Variants in RALY observed in about 807,000 individuals in gnomAD.
The protein encoded by RALY is RALY heterogeneous nuclear ribonucleoprotein.
RALY carries 15 observed loss-of-function variants against 30.7 expected under a neutral mutation model. That is an observed-to-expected ratio of 0.49 (90% CI 0.33 to 0.75). RALY has a LOEUF of 0.75. Among genes scored for constraint, RALY ranks in the 30% least tolerant of loss-of-function variants. The probability of loss-of-function intolerance (pLI) is 0.02; values close to 1 mark genes in which losing one functional copy is unlikely to be tolerated. For missense variants in RALY, 339 were observed against 414.3 expected, an observed-to-expected ratio of 0.82 and a Z score of 1.58; for synonymous variants, 177 against 170.8, an observed-to-expected ratio of 1.04 and a Z score of -0.28.
rs1242524675 is a variant in RALY at position 34,021,008 on chromosome 20, C to T, written c.-92-10514C>T. Among the ~76,000 whole-genome samples the T allele has an allele frequency of 5.9e-5, 9 of 152,068 alleles. No homozygotes were observed. In the South Asian group the frequency reaches 1.0e-3, roughly 18 times the overall value. ...ACAGAGTCTCACTCAGTCACCCAGGCTGGAGTGCAGTGGTGCAATCTTGGC... is the reference window on the plus strand; with the variant it reads ...ACAGAGTCTCACTCAGTCACCCAGGTTGGAGTGCAGTGGTGCAATCTTGGC... On this transcript the variant is annotated intron_variant, in intron 1 of 9. Coordinates refer to ENST00000246194, the MANE Select transcript of RALY (RefSeq NM_016732.3).
intron 1 of RALY, among the ~76,000 whole-genome samples, chr20:34,005,531 G>A (rs957758402): frequency 8.6e-5 from 13 of 151,944 alleles, no homozygotes; most frequent in Admixed American, 1.3e-4. Flanking sequence ...ATCTGACCTG[G>A]GTTTTAAATG....
At chr20:34,056,019 G>A (rs910996778) in intron 2 of RALY, among the ~76,000 whole-genome samples, 1 of 152,192 alleles carries the variant, frequency 6.6e-6, no homozygotes, top group African/African-American at 2.4e-5. Flanking sequence ...AGAAGCTATA[G>A]GGACTTACAA....
intron 1 of RALY, among the ~76,000 whole-genome samples, chr20:34,027,100 C>T (rs966429972): frequency 2.0e-5 from 3 of 152,140 alleles, no homozygotes; most frequent in African/African-American, 7.2e-5. Context: ...GCAGTGAGCA[C>T]ACAACCCCCA....
chr20:34,051,090 C>T (rs2033063409), intron 2 of RALY, among the ~76,000 whole-genome samples: 1 of 152,142 alleles, frequency 6.6e-6, no homozygotes, highest in Non-Finnish European at 1.5e-5. Flanking sequence ...GAAATAGCAA[C>T]GTTTATTCAT....
chr20:34,035,678 G>A (rs141077900), intron 2 of RALY, among the ~76,000 whole-genome samples: 2 of 152,232 alleles, frequency 1.3e-5, no homozygotes, highest in East Asian at 3.9e-4. Context: ...CATTCATTCA[G>A]TGAGTATTGG....
chr20:33,998,268 A>G (rs988632178), intron 1 of RALY, among the ~76,000 whole-genome samples: 4 of 152,180 alleles, frequency 2.6e-5, no homozygotes, highest in African/African-American at 9.7e-5. Context: ...TGCCTAACCC[A>G]GCATTGGAAG....
intron 1 of RALY, among the ~76,000 whole-genome samples, chr20:33,999,123 CAA>C (rs1039542148): frequency 3.0e-4 from 16 of 54,116 alleles, no homozygotes; most frequent in East Asian, 2.0e-3. Context: ...GACTCCATCT[CAA>C]AAAAAAAAAA....
chr20:34,018,089 A>G (rs2123042175), intron 1 of RALY, among the ~76,000 whole-genome samples: 1 of 152,320 alleles, frequency 6.6e-6, no homozygotes, highest in South Asian at 2.1e-4. Context: ...AAAAGCATAA[A>G]GATGTGTCCA....
At chr20:34,073,468 G>A in intron 3 of RALY, 95 bp from the exon 4 acceptor site, 2 of 1,170,578 alleles carry the variant, frequency 1.7e-6, no homozygotes, top group Admixed American at 3.4e-5. Context: ...TGTATACCGT[G>A]TAAGCACATG....
chr20:34,027,728 T>G (rs528438668), intron 1 of RALY, among the ~76,000 whole-genome samples: 1 of 152,346 alleles, frequency 6.6e-6, no homozygotes, highest in African/African-American at 2.4e-5. Flanking sequence ...TCAGGAAATA[T>G]TTTTTGACTA....
At chr20:34,050,835 A>G (rs545362718) in intron 2 of RALY, among the ~76,000 whole-genome samples, 14 of 152,256 alleles carry the variant, frequency 9.2e-5, no homozygotes, top group African/African-American at 3.1e-4. Flanking sequence ...CTCTATTCAG[A>G]TAACTCCCAG....
At chr20:33,995,106 A>G (rs1282690253) in intron 1 of RALY, among the ~76,000 whole-genome samples, 1 of 152,214 alleles carries the variant, frequency 6.6e-6, no homozygotes, top group African/African-American at 2.4e-5. Flanking sequence ...AATTAGGGGC[A>G]TAACTCTGGG....
intron 2 of RALY, among the ~76,000 whole-genome samples, chr20:34,071,065 A>T (rs997086235): frequency 1.3e-5 from 2 of 152,156 alleles, no homozygotes; most frequent in Non-Finnish European, 2.9e-5. Flanking sequence ...GTCACTCACT[A>T]TCATGAGAGC....
chr20:34,076,739 G>A lies in RALY; in HGVS notation c.582G>A (p.Leu194=), dbSNP rs1282857647. 5 of 1,614,034 alleles carry A rather than the reference G, an allele frequency of 3.1e-6. No homozygotes were observed. The highest frequency in any genetic ancestry group is 8.5e-7 in the Non-Finnish European group (1 of 1,180,042). The change falls in exon 7 of 10, where the codon CTG becomes CTA. Residue 194 remains leucine, a synonymous_variant. Transcript: ENST00000246194. ...SSELQAIKTE[L]TQIKSNIDAL... is the part of the protein sequence containing the mutation. Reference sequence around the variant, plus strand: ...AGCTGCAGGCCATCAAGACGGAGCTGACACAGATCAAGTCCAATATCGATG... The same window carrying A: ...AGCTGCAGGCCATCAAGACGGAGCTAACACAGATCAAGTCCAATATCGATG...
intron 2 of RALY, among the ~76,000 whole-genome samples, chr20:34,050,571 C>G (rs1455073777): frequency 6.6e-6 from 1 of 152,158 alleles, no homozygotes; most frequent in Non-Finnish European, 1.5e-5. Context: ...AGCCCTGCAC[C>G]CAACTACTTC....
rs1229441182 is a variant in RALY, at chr20:34,080,381, G to A, written c.*476G>A. The A allele has an allele frequency of 6.6e-6, 1 of 152,254 alleles. No individual in the cohort carries two copies. The highest frequency in any genetic ancestry group is 2.4e-5 in the African/African-American group (1 of 41,404). The allele number at this position is 152,254 out of a possible 1,614,324, so 9.4% of individuals were successfully genotyped here. ...CATCTGGACCTTAGTGTCCTCAGTG[G>A]TGATTAAAATGGCCAGTGGGGCCAC... On this transcript the variant is annotated 3_prime_UTR_variant, in exon 10 of 10. Coordinates refer to ENST00000246194, the MANE Select transcript of RALY (RefSeq NM_016732.3).
intron 1 of RALY, among the ~76,000 whole-genome samples, chr20:33,996,942 TA>T (rs1360192407): frequency 6.6e-6 from 1 of 152,206 alleles, no homozygotes; most frequent in Admixed American, 6.5e-5. Flanking sequence ...GAGTGCATTG[TA>T]AATGCAAAAT....
intron 2 of RALY, among the ~76,000 whole-genome samples, chr20:34,049,736 A>G (rs534285895): frequency 6.6e-6 from 1 of 152,334 alleles, no homozygotes; most frequent in South Asian, 2.1e-4. Context: ...ATTTCCCCAC[A>G]ATGTACAGAT....
chr20:34,000,479 T>C (rs2030863815), intron 1 of RALY, among the ~76,000 whole-genome samples: 1 of 152,212 alleles, frequency 6.6e-6, no homozygotes. Flanking sequence ...TTAATGTTGG[T>C]CATCTTTTGT....
Sources: allele counts gnomAD v4.1 joint callset (sites outside exome capture counted in the v4.1 genomes callset), GRCh38; gene constraint gnomAD v4.1.1; transcripts MANE v1.5; gene names NCBI Gene and HGNC (gene_info 2026-07-23, HGNC 2026-07-21).